Variants in RTN4 observed in about 807,000 individuals in gnomAD.
RTN4 encodes the protein reticulon 4.
Under a neutral mutation model 90.4 loss-of-function variants are expected in RTN4, and 32 were observed. That is an observed-to-expected ratio of 0.35 (90% CI 0.27 to 0.48). RTN4 has a LOEUF of 0.48. Ranked by LOEUF, RTN4 falls within the 20% of genes least tolerant of loss-of-function variation. The pLI is 0.99. For synonymous variants in RTN4, 629 were observed against 552.5 expected (o/e 1.14, Z -1.94); for missense variants, 1,706 against 1,430.2 (o/e 1.19, Z -3.11).
intron 3 of RTN4, among the ~76,000 whole-genome samples, chr2:55,003,135 G>C (rs1238134479): frequency 2.6e-5 from 4 of 152,152 alleles, no homozygotes; most frequent in Non-Finnish European, 5.9e-5. Context: ...GAGGGGAAGA[G>C]CTCAAAGCAA....
the RTN4 span, among the ~76,000 whole-genome samples, chr2:55,122,878 C>T: frequency 2.0e-5 from 3 of 152,350 alleles, no homozygotes; most frequent in African/African-American, 7.2e-5. Flanking sequence ...CAGGAACTGC[C>T]AGTGCTCAAG....
At chr2:55,038,445 A>C (rs1262389369) in intron 1 of RTN4, among the ~76,000 whole-genome samples, 1 of 152,142 alleles carries the variant, frequency 6.6e-6, no homozygotes, top group African/African-American at 2.4e-5. Flanking sequence ...AAAGGCATAC[A>C]ACACAATTTA....
At chr2:54,973,249 A>G in intron 8 of RTN4, 51 bp from the exon 9 acceptor site, 1 of 1,430,842 alleles carries the variant, frequency 7.0e-7, no homozygotes, top group Non-Finnish European at 9.8e-7. Flanking sequence ...CTGCTGCTTA[A>G]AATACCATCT....
chr2:55,016,129 A>ACCCAT (rs1172498904), intron 3 of RTN4, among the ~76,000 whole-genome samples: 1 of 152,214 alleles, frequency 6.6e-6, no homozygotes, highest in Non-Finnish European at 1.5e-5. Flanking sequence ...GTTAAACTAT[A>ACCCAT]CCCATACTAA....
intron 3 of RTN4, among the ~76,000 whole-genome samples, chr2:55,006,796 T>C (rs1680258935): frequency 6.6e-6 from 1 of 152,150 alleles, no homozygotes; most frequent in Admixed American, 6.5e-5. Context: ...TTCTTGAAAA[T>C]TCTTTCCCCC....
the RTN4 span, among the ~76,000 whole-genome samples, chr2:55,134,172 A>G: frequency 6.6e-6 from 1 of 152,190 alleles, no homozygotes; most frequent in Non-Finnish European, 1.5e-5. Flanking sequence ...ATTAGTGTAT[A>G]ACGAGCAGAG....
intron 3 of RTN4, among the ~76,000 whole-genome samples, chr2:55,006,389 T>C (rs1680226810): frequency 6.6e-6 from 1 of 152,150 alleles, no homozygotes; most frequent in Admixed American, 6.6e-5. Context: ...TTTTTGGCCT[T>C]CCCGAGTAAG....
chr2:55,053,701 A>C (rs543931824), upstream of RTN4, among the ~76,000 whole-genome samples: 2 of 151,740 alleles, frequency 1.3e-5, no homozygotes, highest in Admixed American at 6.6e-5. Flanking sequence ...AAAAACAAAA[A>C]AAAAAAGAAA....
At position 54,972,375 on chromosome 2, in the gene RTN4, G is replaced by C. The variant is rs1195720117; in HGVS notation, c.*781C>G. ...TTGGAAGCATTAGATTCAGTCCATA[G>C]ATTCTGTGACAAAATTAACTACAGT... On this transcript the variant is annotated 3_prime_UTR_variant, in exon 9 of 9. Transcript: ENST00000337526. 6.6e-6 allele frequency: 1 copy of C among 152,618 alleles called. No individual in the cohort carries two copies. Among genetic ancestry groups the C allele is most frequent in the African/African-American group, 2.4e-5 (1 of 41,438 alleles). 9.5% of individuals were successfully genotyped at this position (152,618 alleles called of 1,614,324 possible). A position where few individuals can be genotyped will look rare whatever the true frequency, so the allele number is the denominator to read the frequency against.
At chr2:55,003,495 T>A (rs1679989555) in intron 3 of RTN4, among the ~76,000 whole-genome samples, 1 of 152,142 alleles carries the variant, frequency 6.6e-6, no homozygotes. Context: ...CTCAGTAATA[T>A]GTCAGCCTTA....
At chr2:54,986,005 G>C (rs1189184941) in intron 4 of RTN4, among the ~76,000 whole-genome samples, 11 of 152,150 alleles carry the variant, frequency 7.2e-5, no homozygotes, top group Non-Finnish European at 1.5e-4. Context: ...GGATCATTTG[G>C]GGTCAGGGTT....
intron 3 of RTN4, among the ~76,000 whole-genome samples, chr2:54,997,813 A>G (rs1259216286): frequency 6.6e-6 from 1 of 152,210 alleles, no homozygotes; most frequent in Non-Finnish European, 1.5e-5. Context: ...ACATTCATTT[A>G]ACTTTAGTAT....
chr2:55,023,170 A>T (rs926665040), intron 3 of RTN4, among the ~76,000 whole-genome samples: 2 of 152,060 alleles, frequency 1.3e-5, no homozygotes, highest in Non-Finnish European at 2.9e-5. Flanking sequence ...TTCTTGACTT[A>T]CTGTCCTTCC....
the RTN4 span, among the ~76,000 whole-genome samples, chr2:55,127,451 G>C: frequency 1.3e-5 from 2 of 152,122 alleles, no homozygotes; most frequent in South Asian, 4.1e-4. Context: ...TTCCTGTCTT[G>C]TCCTGTTTTA....
intron 3 of RTN4, among the ~76,000 whole-genome samples, chr2:54,994,363 T>TA (rs1679253042): frequency 6.6e-6 from 1 of 152,094 alleles, no homozygotes; most frequent in Non-Finnish European, 1.5e-5. Flanking sequence ...GAGCAACATA[T>TA]AAAAAAGATT....
the RTN4 span, among the ~76,000 whole-genome samples, chr2:55,136,676 G>T: frequency 6.6e-6 from 1 of 152,338 alleles, no homozygotes; most frequent in African/African-American, 2.4e-5. Context: ...TTTCCAGTTT[G>T]GGTCTACTGC....
At chr2:55,096,303 G>C (rs1253228834) in intron 1 of RTN4, among the ~76,000 whole-genome samples, 2 of 151,406 alleles carry the variant, frequency 1.3e-5, no homozygotes, top group Non-Finnish European at 2.9e-5. Context: ...TCCAGCCTGG[G>C]CAACAAGAGC....
chr2:55,024,354 T>A (rs909828003), intron 3 of RTN4, among the ~76,000 whole-genome samples: 1 of 152,198 alleles, frequency 6.6e-6, no homozygotes, highest in African/African-American at 2.4e-5. Context: ...TGAGCTGGAC[T>A]GTACTGCTGA....
At chr2:55,073,221 T>C (rs1668545636) in intron 2 of RTN4, among the ~76,000 whole-genome samples, 1 of 152,238 alleles carries the variant, frequency 6.6e-6, no homozygotes, top group Admixed American at 6.5e-5. Flanking sequence ...TTGTGACCTT[T>C]TTCTTGCCTG....
Sources: gnomAD v4.1 joint callset for allele counts (sites outside exome capture counted in the v4.1 genomes callset) on GRCh38, gnomAD v4.1.1 for gene constraint, MANE v1.5 for transcripts, NCBI Gene and HGNC (gene_info 2026-07-23, HGNC 2026-07-21) for gene names.